The following GREP1 variants were observed in gnomAD, a reference collection of about 807,000 sequenced individuals.
GREP1 encodes the protein glycine rich extracellular protein 1, also known as glycine-rich extracellular protein 1.
chr16:2,997,553 C>T (rs979300529), intron 22 of GREP1: 31 of 397,616 alleles, frequency 7.8e-5, no homozygotes, highest in African/African-American at 3.9e-4. Context: ...GGAGAGGAGG[C>T]GGCACAAGGG....
chr16:2,992,097 T>A lies in GREP1; in HGVS notation c.323-708T>A, dbSNP rs1313529668. 6.6e-6 allele frequency: 1 copy of A among 152,586 alleles called. No individual in the cohort carries two copies. The highest frequency in any genetic ancestry group is 2.4e-5 in the African/African-American group (1 of 41,432). The allele number at this position is 152,586 out of a possible 1,614,324, so 9.5% of individuals were successfully genotyped here. A position where few individuals can be genotyped will look rare whatever the true frequency, so the allele number is the denominator to read the frequency against. On this transcript the variant is annotated intron_variant, in intron 8 of 34. Transcript: ENST00000573315. The surrounding 1 kb of genome is among the most constrained non-coding windows in gnomAD (Gnocchi z 4.9). ...CGGCCCTGCCTCTGCTTCCTCCTTC[T>A]ACTCGGTCTCCCAAGATCTGGTGAT...
chr16:2,990,314 C>G (rs948517524), intron 5 of GREP1, 192 bp downstream of exon 5: 5 of 397,938 alleles, frequency 1.3e-5, no homozygotes, highest in African/African-American at 1.0e-4. Flanking sequence ...GCTCACCTCT[C>G]TCTCTCCCAC....
chr16:3,000,108 A>C, exon 29 of GREP1: 2 of 399,014 alleles, frequency 5.0e-6, no homozygotes. Context: ...GCCTCGAGCC[A>C]CAGAAAATTG....
chr16:2,992,858 G>C lies in GREP1; in HGVS notation c.352+24G>C, dbSNP rs757084152. The C allele has an allele frequency of 1.8e-5, 7 of 398,990 alleles. No individual in the cohort carries two copies. The highest frequency in any genetic ancestry group is 8.8e-6 in the Non-Finnish European group (2 of 226,106). 24.7% of individuals were successfully genotyped at this position (398,990 alleles called of 1,614,324 possible). ...AGGTAAAGAGGGTGGGGACGGAAGC[G>C]GGGAGCCTGGGGCTGAGATTCTGGG... On this transcript the variant is annotated intron_variant, in intron 9 of 34. Transcript: ENST00000573315. The surrounding 1 kb of genome is among the most constrained non-coding windows in gnomAD (Gnocchi z 4.9).
intron 7 of GREP1, 39 bp downstream of exon 6, chr16:2,990,626 T>A: frequency 2.5e-6 from 1 of 398,800 alleles, no homozygotes; most frequent in Admixed American, 4.4e-5. Flanking sequence ...GGGAGGGGCT[T>A]GGGGGTGCCT....
intron 21 of GREP1, 81 bp downstream of exon 20, chr16:2,997,166 C>G: frequency 2.5e-6 from 1 of 398,996 alleles, no homozygotes; most frequent in Non-Finnish European, 4.4e-6. Flanking sequence ...TCAGCTCCAT[C>G]GGCATTCAGG....
Position 2,991,059 on chromosome 16 carries a change from G to T in GREP1, c.280G>T (p.Gly94Trp). Reference sequence around the variant, plus strand: ...CTCTGTCTCCCCAGGATATGGAAACGGGCTGGGAGCAGCGGCCTTCCCAGT... The same window carrying T: ...CTCTGTCTCCCCAGGATATGGAAACTGGCTGGGAGCAGCGGCCTTCCCAGT... The change falls in exon 8 of 35, where the codon GGG becomes TGG. Residue 94 changes from glycine to tryptophan, a missense_variant. Physicochemically the swap from Gly to Trp is radical, Grantham distance 184. Transcript: ENST00000573315. The surrounding 1 kb of genome is among the most constrained non-coding windows in gnomAD (Gnocchi z 4.9). 2.5e-6 allele frequency: 1 copy of T among 399,082 alleles called. No individual in the cohort carries two copies. The allele number at this position is 399,082 out of a possible 1,614,324, so 24.7% of individuals were successfully genotyped here.
Position 2,989,692 on chromosome 16 carries a change from T to C in GREP1, c.130+140T>C. The C allele has an allele frequency of 2.5e-6, 1 of 398,488 alleles. No individual in the cohort carries two copies. Among genetic ancestry groups the C allele is most frequent in the East Asian group, 3.6e-5 (1 of 28,030 alleles). 24.7% of individuals were successfully genotyped at this position (398,488 alleles called of 1,614,324 possible). On this transcript the variant is annotated intron_variant, in intron 3 of 34. Coordinates refer to ENST00000573315, the Ensembl canonical transcript of GREP1. This position sits in a 1 kb window ranked among gnomAD's most constrained non-coding sequence, Gnocchi z 4.2. ...CTCAGAAATACATGGGGACAGAGCA[T>C]AGCCCCAGAGTGTCCCCCAGGCACC...
chr16:3,001,717 T>C (rs980991061), exon 35 of GREP1: 2 of 398,478 alleles, frequency 5.0e-6, no homozygotes, highest in Non-Finnish European at 8.8e-6. Context: ...CCGCGTGCCA[T>C]GCAAGGGGCT....
intron 10 of GREP1, 139 bp from the exon 12 acceptor site, chr16:2,994,559 C>T (rs1012736939): frequency 2.5e-6 from 1 of 397,968 alleles, no homozygotes; most frequent in Non-Finnish European, 4.4e-6. Context: ...GGAGCTGGAG[C>T]TTGACAGTTG....
intron 13 of GREP1, 28 bp downstream of exon 14, chr16:2,994,990 G>A: frequency 2.5e-6 from 1 of 399,186 alleles, no homozygotes; most frequent in Admixed American, 4.4e-5. Context: ...TGGGGTTCCA[G>A]GGTCTGCATC....
intron 13 of GREP1, 33 bp from the exon 15 acceptor site, chr16:2,995,250 CT>C (rs2072418740): frequency 2.5e-6 from 1 of 398,798 alleles, no homozygotes; most frequent in Non-Finnish European, 4.4e-6. Context: ...TTGGGGGCTC[CT>C]AGGTACCTCA....
chr16:2,992,912 C>A lies in GREP1; in HGVS notation c.353-19C>A, dbSNP rs2072406187. On this transcript the variant is annotated intron_variant, in intron 9 of 34. Transcript: ENST00000573315. This position sits in a 1 kb window ranked among gnomAD's most constrained non-coding sequence, Gnocchi z 4.9. The stretch of plus-strand genomic sequence containing the variant: ...AGGCCCAGAGGAAAGGATCCCTCAC[C>A]CTCTCATCTTCCCCCCAGGCTTTGG... 5.0e-6 allele frequency: 2 copies of A among 398,984 alleles called. No homozygotes were observed. The highest frequency in any genetic ancestry group is 8.8e-6 in the Non-Finnish European group (2 of 226,116). 24.7% of individuals were successfully genotyped at this position (398,984 alleles called of 1,614,324 possible).
chr16:2,997,365 C>T, intron 21 of GREP1: 1 of 398,672 alleles, frequency 2.5e-6, no homozygotes, highest in Non-Finnish European at 4.4e-6. Flanking sequence ...CCCAAACCCC[C>T]TGCTCACCCC....
intron 30 of GREP1, chr16:3,000,386 G>C: frequency 2.5e-6 from 1 of 399,212 alleles, no homozygotes; most frequent in Non-Finnish European, 4.4e-6. Flanking sequence ...GGGTGGGAGA[G>C]TTGGGCTCAG....
chr16:2,989,686 A>G lies in GREP1; in HGVS notation c.130+134A>G. The G allele has an allele frequency of 2.5e-6, 1 of 399,256 alleles. No individual in the cohort carries two copies. The highest frequency in any genetic ancestry group is 4.4e-6 in the Non-Finnish European group (1 of 226,356). The allele number at this position is 399,256 out of a possible 1,614,324, so 24.7% of individuals were successfully genotyped here. A position where few individuals can be genotyped will look rare whatever the true frequency, so the allele number is the denominator to read the frequency against. On this transcript the variant is annotated intron_variant, in intron 3 of 34. Coordinates refer to ENST00000573315, the Ensembl canonical transcript of GREP1. This position sits in a 1 kb window ranked among gnomAD's most constrained non-coding sequence, Gnocchi z 4.2. ...AGTCGTCTCAGAAATACATGGGGACAGAGCATAGCCCCAGAGTGTCCCCCA... is the reference window on the plus strand; with the variant it reads ...AGTCGTCTCAGAAATACATGGGGACGGAGCATAGCCCCAGAGTGTCCCCCA...
chr16:2,997,444 AG>A, intron 22 of GREP1: 1 of 398,878 alleles, frequency 2.5e-6, no homozygotes, highest in Non-Finnish European at 4.4e-6. Context: ...AGTTGCTGGG[AG>A]TGCAGAAAGG....
Position 2,994,856 on chromosome 16 carries a change from C to G in GREP1, c.448+18C>G. The G allele has an allele frequency of 2.5e-6, 1 of 399,276 alleles. No individual in the cohort carries two copies. Among genetic ancestry groups the G allele is most frequent in the Non-Finnish European group, 4.4e-6 (1 of 226,262 alleles). The allele number at this position is 399,276 out of a possible 1,614,324, so 24.7% of individuals were successfully genotyped here. A position where few individuals can be genotyped will look rare whatever the true frequency, so the allele number is the denominator to read the frequency against. The stretch of plus-strand genomic sequence containing the variant: ...GAAGCCAGGTGAGCCCTGCCCCGGC[C>G]TGTCCCTCTGCCTCCCCAAAACCTG... On this transcript the variant is annotated intron_variant, in intron 12 of 34. Transcript: ENST00000573315.
chr16:2,993,613 G>C (rs2151096125), intron 10 of GREP1: 1 of 152,372 alleles, frequency 6.6e-6, no homozygotes, highest in East Asian at 1.9e-4. Context: ...GTAGTAGTGA[G>C]TGGAGATCTT....
Sources: gnomAD v4.1 joint callset for allele counts on GRCh38, gnomAD v4.1.1 for gene constraint, Gnocchi (gnomAD v3.1) non-coding constraint, MANE v1.5 for transcripts, NCBI Gene and HGNC (gene_info 2026-07-23, HGNC 2026-07-21) for gene names.